Variants in PLCB4 observed in about 807,000 individuals in gnomAD.
PLCB4 encodes the protein phospholipase C beta 4.
In PLCB4, 77 loss-of-function variants were observed where a neutral mutation model predicts 178.8. The observed-to-expected ratio is 0.43, with a 90% confidence interval of 0.36 to 0.52. The LOEUF (loss-of-function observed/expected upper bound fraction) is 0.52, where lower values mean the gene tolerates loss of function less well. PLCB4 is among the 20% of genes least tolerant of loss of function. The pLI, the probability that PLCB4 is intolerant of heterozygous loss-of-function variation, is 0.00. For missense variants in PLCB4, 1,024 were observed against 1,453.4 expected (o/e 0.70, Z 4.80); for synonymous variants, 496 against 490.8 (o/e 1.01, Z -0.14).
intron 1 of PLCB4, among the ~76,000 whole-genome samples, chr20:9,088,173 CTTTTCT>C (rs1476210991): frequency 8.8e-6 from 1 of 113,250 alleles, no homozygotes; most frequent in Non-Finnish European, 1.8e-5. Context: ...CTTTTCTTTT[CTTTTCT>C]TTTTTTTTTT....
chr20:9,316,993 A>G (rs950216091), intron 4 of PLCB4, among the ~76,000 whole-genome samples: 10 of 152,222 alleles, frequency 6.6e-5, no homozygotes, highest in Admixed American at 6.5e-4. Context: ...CTGGGTCAGC[A>G]TACTTTTTCT....
At chr20:9,399,863 C>G (rs1168514775) in intron 19 of PLCB4, among the ~76,000 whole-genome samples, 1 of 152,154 alleles carries the variant, frequency 6.6e-6, no homozygotes, top group Non-Finnish European at 1.5e-5. Flanking sequence ...GTTTTGAAAT[C>G]TTGGTTACTG....
chr20:9,228,484 A>G (rs1185224996), intron 3 of PLCB4, among the ~76,000 whole-genome samples: 1 of 152,156 alleles, frequency 6.6e-6, no homozygotes, highest in African/African-American at 2.4e-5. Context: ...AAGCACTTCC[A>G]GATGGTCTTT....
At chr20:9,132,933 A>G (rs1281823975) in intron 2 of PLCB4, among the ~76,000 whole-genome samples, 1 of 152,134 alleles carries the variant, frequency 6.6e-6, no homozygotes, top group Non-Finnish European at 1.5e-5. Flanking sequence ...TCTAGTGAGT[A>G]GAAGCCAGGG....
chr20:9,452,513 T>C (rs980097971), intron 32 of PLCB4, among the ~76,000 whole-genome samples: 46 of 152,292 alleles, frequency 3.0e-4, no homozygotes, highest in African/African-American at 1.1e-3. Context: ...AATTTCTGAT[T>C]GTACTGATTT....
At chr20:9,253,040 A>C (rs971032174) in intron 3 of PLCB4, among the ~76,000 whole-genome samples, 1 of 152,136 alleles carries the variant, frequency 6.6e-6, no homozygotes. Flanking sequence ...GTCTCTCTGC[A>C]TATCCTTTCA....
chr20:9,334,609 A>G (rs370675146), intron 4 of PLCB4, among the ~76,000 whole-genome samples: 28 of 152,254 alleles, frequency 1.8e-4, no homozygotes, highest in African/African-American at 6.5e-4. Context: ...TTTGGCCAAG[A>G]AAACACTAAA....
intron 27 of PLCB4, among the ~76,000 whole-genome samples, chr20:9,422,122 A>G (rs2040687165): frequency 6.6e-6 from 1 of 152,148 alleles, no homozygotes; most frequent in African/African-American, 2.4e-5. Context: ...AAGAATGTTC[A>G]CTTTCCTTTC....
chr20:9,233,211 T>C (rs893000999), intron 3 of PLCB4, among the ~76,000 whole-genome samples: 3 of 152,184 alleles, frequency 2.0e-5, no homozygotes, highest in Non-Finnish European at 4.4e-5. Context: ...TAAATGATAA[T>C]GATAATGACC....
At chr20:9,400,851 C>T (rs1164829539) in intron 19 of PLCB4, among the ~76,000 whole-genome samples, 1 of 152,166 alleles carries the variant, frequency 6.6e-6, no homozygotes, top group East Asian at 1.9e-4. Context: ...ACAGACTAGA[C>T]CACGCTCCAG....
intron 2 of PLCB4, among the ~76,000 whole-genome samples, chr20:9,098,741 A>ATATG (rs139418572): frequency 7.4e-6 from 1 of 135,480 alleles, no homozygotes; most frequent in African/African-American, 2.9e-5. Flanking sequence ...ATATACATAT[A>ATATG]TGTGTGTGTG....
chr20:9,147,116 G>T (rs987741868), intron 2 of PLCB4, among the ~76,000 whole-genome samples: 1 of 152,102 alleles, frequency 6.6e-6, no homozygotes, highest in African/African-American at 2.4e-5. Flanking sequence ...CCAGAATTGG[G>T]GTCTAAGGCT....
At chr20:9,319,235 A>G (rs1190403801) in intron 4 of PLCB4, among the ~76,000 whole-genome samples, 1 of 151,780 alleles carries the variant, frequency 6.6e-6, no homozygotes, top group Non-Finnish European at 1.5e-5. Flanking sequence ...TTTTTAAAAA[A>G]TCAAGTTAAT....
At chr20:9,123,091 A>G (rs2092011357) in intron 2 of PLCB4, among the ~76,000 whole-genome samples, 1 of 152,192 alleles carries the variant, frequency 6.6e-6, no homozygotes, top group South Asian at 2.1e-4. Context: ...AAAGTAAAAA[A>G]CATTTCTTTA....
At chr20:9,213,350 GGC>G (rs1289054837) in intron 2 of PLCB4, among the ~76,000 whole-genome samples, 8 of 140,892 alleles carry the variant, frequency 5.7e-5, no homozygotes, top group African/African-American at 2.3e-4. Context: ...TCACTATGTT[GGC>G]TAGGCTGGTC....
At chr20:9,109,894 C>A (rs2091512023) in intron 2 of PLCB4, among the ~76,000 whole-genome samples, 1 of 151,988 alleles carries the variant, frequency 6.6e-6, no homozygotes, top group Non-Finnish European at 1.5e-5. Context: ...AGCTGTGTGA[C>A]CTGGAGGGAG....
chr20:9,326,515 AG>A (rs1362280413), intron 4 of PLCB4, among the ~76,000 whole-genome samples: 1 of 152,182 alleles, frequency 6.6e-6, no homozygotes, highest in East Asian at 1.9e-4. Flanking sequence ...GATAGACAGC[AG>A]GTTTACCACC....
At chr20:9,445,084 G>A (rs1337504029) in intron 32 of PLCB4, among the ~76,000 whole-genome samples, 2 of 152,310 alleles carry the variant, frequency 1.3e-5, no homozygotes, top group South Asian at 2.1e-4. Context: ...GTTGCAAATT[G>A]TAAGAGAACA....
intron 28 of PLCB4, among the ~76,000 whole-genome samples, chr20:9,426,895 C>G (rs1056788370): frequency 3.9e-5 from 6 of 152,100 alleles, no homozygotes; most frequent in African/African-American, 1.4e-4. Context: ...GAGTGCAACT[C>G]CTTCTGCTTC....
Sources: gnomAD v4.1 joint callset for allele counts (sites outside exome capture counted in the v4.1 genomes callset) on GRCh38, gnomAD v4.1.1 for gene constraint, MANE v1.5 for transcripts, NCBI Gene and HGNC (gene_info 2026-07-23, HGNC 2026-07-21) for gene names.